The following CMTM8 variants were observed in gnomAD, a reference collection of about 807,000 sequenced individuals.
The protein encoded by CMTM8 is CKLF-like MARVEL transmembrane domain-containing protein 8.
A neutral mutation model predicts 18.6 loss-of-function variants in CMTM8; 12 were observed. That is an observed-to-expected ratio of 0.65 (90% CI 0.41 to 1.05). The LOEUF is 1.05. Among genes scored for constraint, CMTM8 ranks in the 50% least tolerant of loss-of-function variants. CMTM8 has a pLI of 0.00. For synonymous variants in CMTM8, 87 were observed against 90.6 expected, an observed-to-expected ratio of 0.96 and a Z score of 0.23; for missense variants, 217 against 227.2, an observed-to-expected ratio of 0.95 and a Z score of 0.29.
Position 32,283,415 on chromosome 3 carries a change from G to A in CMTM8, c.147+44296G>A, listed in dbSNP as rs139480943. Among the ~76,000 whole-genome samples the A allele has an allele frequency of 7.6e-4, 115 of 152,308 alleles. 1 individual carries two copies. In the East Asian group the frequency reaches 0.02, roughly 26 times the overall value. The stretch of plus-strand genomic sequence containing the variant: ...TCTTCAGACTGAGCGCTTGCTATCT[G>A]GCTTCTGTGCTGCAGTCGGGGAGCT... On this transcript the variant is annotated intron_variant, in intron 1 of 3. Transcript: ENST00000307526.
intron 1 of CMTM8, among the ~76,000 whole-genome samples, chr3:32,250,246 C>T (rs1400619231): frequency 2.0e-5 from 3 of 152,182 alleles, no homozygotes; most frequent in Admixed American, 1.3e-4. Context: ...TACTCTTATG[C>T]CAGTACCATG....
chr3:32,277,376 GTCTT>G (rs538185328), intron 1 of CMTM8, among the ~76,000 whole-genome samples: 1,969 of 151,772 alleles, frequency 0.013, 35 homozygotes, highest in African/African-American at 0.044. Context: ...TTCTCCCTTT[GTCTT>G]TCTTTCTTTT....
intron 1 of CMTM8, among the ~76,000 whole-genome samples, chr3:32,276,259 G>C (rs549288000): frequency 1.1e-4 from 17 of 152,228 alleles, no homozygotes; most frequent in Non-Finnish European, 1.2e-4. Context: ...CCTCCAAACT[G>C]TGTATCTTAA....
chr3:32,293,112 G>C (rs1052019597), intron 1 of CMTM8, among the ~76,000 whole-genome samples: 2 of 150,576 alleles, frequency 1.3e-5, no homozygotes, highest in African/African-American at 4.9e-5. Flanking sequence ...ACTTTTACAT[G>C]TATAGATATC....
intron 1 of CMTM8, among the ~76,000 whole-genome samples, chr3:32,263,451 C>T (rs1001449479): frequency 3.3e-5 from 5 of 152,118 alleles, no homozygotes; most frequent in Admixed American, 6.5e-5. Flanking sequence ...CCCATCTGTA[C>T]GTCACCATCA....
intron 1 of CMTM8, among the ~76,000 whole-genome samples, chr3:32,346,250 T>C (rs775208398): frequency 6.6e-6 from 1 of 152,162 alleles, no homozygotes; most frequent in Non-Finnish European, 1.5e-5. Context: ...AAACAGAAGT[T>C]CTTACTCCCA....
At chr3:32,364,443 G>T (rs950185326) in intron 2 of CMTM8, among the ~76,000 whole-genome samples, 2 of 152,136 alleles carry the variant, frequency 1.3e-5, no homozygotes, top group African/African-American at 4.8e-5. Flanking sequence ...GGCAGAGGTT[G>T]CAGTGAGCCA....
intron 1 of CMTM8, among the ~76,000 whole-genome samples, chr3:32,266,189 A>G (rs1166712368): frequency 5.9e-5 from 9 of 151,848 alleles, no homozygotes; most frequent in African/African-American, 1.9e-4. Context: ...GATGAATATC[A>G]ATGCAAAAAT....
intron 1 of CMTM8, among the ~76,000 whole-genome samples, chr3:32,356,545 T>C (rs1575093773): frequency 6.6e-6 from 1 of 152,334 alleles, no homozygotes; most frequent in East Asian, 1.9e-4. Flanking sequence ...GGATGACTAT[T>C]GCTAGGGTAA....
At chr3:32,335,198 C>T (rs541667788) in intron 1 of CMTM8, among the ~76,000 whole-genome samples, 46 of 152,338 alleles carry the variant, frequency 3.0e-4, no homozygotes, top group African/African-American at 1.1e-3. Flanking sequence ...CCAGGGGTAC[C>T]AGTGGGTCTG....
intron 1 of CMTM8, among the ~76,000 whole-genome samples, chr3:32,342,805 C>A (rs570071843): frequency 6.6e-6 from 1 of 152,302 alleles, no homozygotes; most frequent in South Asian, 2.1e-4. Context: ...ATAATATTAG[C>A]ATAGTAGTAA....
At chr3:32,343,108 A>G (rs78985086) in intron 1 of CMTM8, among the ~76,000 whole-genome samples, 19,155 of 152,242 alleles carry the variant, frequency 0.13, 1,299 homozygotes, top group African/African-American at 0.18. Context: ...AATGAAGACT[A>G]TGGGATAAAT....
At chr3:32,359,325 C>T (rs1047652185) in intron 2 of CMTM8, among the ~76,000 whole-genome samples, 3 of 152,078 alleles carry the variant, frequency 2.0e-5, no homozygotes, top group East Asian at 3.9e-4. Context: ...TGGTGGTGGC[C>T]GGGCATGGTG....
chr3:32,310,361 A>T (rs1232570892), intron 1 of CMTM8, among the ~76,000 whole-genome samples: 1 of 152,164 alleles, frequency 6.6e-6, no homozygotes, highest in Non-Finnish European at 1.5e-5. Flanking sequence ...TTTTGCTCCA[A>T]GAAAAAAATA....
At chr3:32,245,975 G>A (rs995785116) in intron 1 of CMTM8, among the ~76,000 whole-genome samples, 14 of 152,150 alleles carry the variant, frequency 9.2e-5, no homozygotes, top group African/African-American at 3.4e-4. Flanking sequence ...ACACCACTGT[G>A]CCTGGCCAAT....
At chr3:32,244,576 A>G (rs1461754387) in intron 1 of CMTM8, among the ~76,000 whole-genome samples, 1 of 151,962 alleles carries the variant, frequency 6.6e-6, no homozygotes, top group Non-Finnish European at 1.5e-5. Flanking sequence ...ATATTTTCTC[A>G]TGATTTTTTT....
intron 1 of CMTM8, among the ~76,000 whole-genome samples, chr3:32,317,721 A>C (rs1185314927): frequency 3.3e-5 from 5 of 152,178 alleles, no homozygotes; most frequent in Non-Finnish European, 7.3e-5. Flanking sequence ...ACTAGTAGAC[A>C]CACTGTCATA....
Position 32,260,064 on chromosome 3 carries a change from A to G in CMTM8, c.147+20945A>G, listed in dbSNP as rs112217656. ...AACATCAAGGTCAAGCTGGAGGCTG[A>G]GATCGCCAGCTACCATCGCCTGTTG... is the stretch of plus-strand genomic sequence containing the variant. On this transcript the variant is annotated intron_variant, in intron 1 of 3. Coordinates refer to ENST00000307526, the MANE Select transcript of CMTM8 (RefSeq NM_178868.5). 130 of 1,123,098 alleles carry G rather than the reference A, an allele frequency of 1.2e-4. 2 individuals carry two copies. In the African/African-American group the frequency reaches 1.5e-3, roughly 13 times the overall value. 69.6% of individuals were successfully genotyped at this position (1,123,098 alleles called of 1,614,324 possible).
At chr3:32,346,221 G>A (rs1261518808) in intron 1 of CMTM8, among the ~76,000 whole-genome samples, 1 of 152,278 alleles carries the variant, frequency 6.6e-6, no homozygotes, top group Non-Finnish European at 1.5e-5. Flanking sequence ...AATACCTGTA[G>A]ACCCAAAAGG....
Sources: allele counts gnomAD v4.1 joint callset (sites outside exome capture counted in the v4.1 genomes callset), GRCh38; gene constraint gnomAD v4.1.1; transcripts MANE v1.5; gene names NCBI Gene and HGNC (gene_info 2026-07-23, HGNC 2026-07-21).